CACNA1E: variants seen among roughly 807,000 people sequenced by gnomAD.
CACNA1E encodes calcium voltage-gated channel subunit alpha1 E.
A neutral mutation model predicts 259.2 loss-of-function variants in CACNA1E; 40 were observed. That is an observed-to-expected ratio of 0.15 (90% CI 0.12 to 0.20). The LOEUF (loss-of-function observed/expected upper bound fraction) is 0.20, where lower values mean the gene tolerates loss of function less well. CACNA1E is among the 10% of genes least tolerant of loss of function. CACNA1E has a pLI of 1.00. For synonymous variants in CACNA1E, 1,104 were observed against 1,138.5 expected (o/e 0.97, Z 0.61); for missense variants, 1,874 against 3,040.1 (o/e 0.62, Z 9.02).
chr1:181,714,462 C>G (rs888062814), intron 8 of CACNA1E, among the ~76,000 whole-genome samples: 15 of 152,218 alleles, frequency 9.9e-5, no homozygotes, highest in Middle Eastern at 3.4e-3. Flanking sequence ...GCATGCCCAT[C>G]ATTACATAGG....
chr1:181,477,067 T>TATA (rs1394437857), intron 2 of CACNA1E, among the ~76,000 whole-genome samples: 1 of 152,196 alleles, frequency 6.6e-6, no homozygotes, highest in Non-Finnish European at 1.5e-5. Context: ...GTGGTAATGC[T>TATA]ATAATCTTCG....
chr1:181,338,860 G>T (rs1356504850), intron 1 of CACNA1E, among the ~76,000 whole-genome samples: 1 of 151,194 alleles, frequency 6.6e-6, no homozygotes, highest in Non-Finnish European at 1.5e-5. Context: ...TAAGGGTCCA[G>T]TTTCATTTTT....
At chr1:181,339,675 ACTAT>A (rs760884115) in intron 1 of CACNA1E, among the ~76,000 whole-genome samples, 74 of 152,164 alleles carry the variant, frequency 4.9e-4, no homozygotes, top group Admixed American at 1.1e-3. Flanking sequence ...TTTGTTCTTG[ACTAT>A]CTGAGAGATA....
chr1:181,352,662 G>T (rs1653124151), intron 1 of CACNA1E, among the ~76,000 whole-genome samples: 2 of 152,220 alleles, frequency 1.3e-5, no homozygotes, highest in African/African-American at 2.4e-5. Context: ...TGAGAGGAAA[G>T]AAATAGATCA....
rs535117247 is a variant in CACNA1E at position 181,610,833 on chromosome 1, G to A, written c.951+30057G>A. Among the ~76,000 whole-genome samples, 4 of 152,318 alleles carry A rather than the reference G, an allele frequency of 2.6e-5. No individual in the cohort carries two copies. The South Asian group carries it at 8.3e-4, about 32-fold the overall frequency. On this transcript the variant is annotated intron_variant, in intron 6 of 47. Coordinates refer to ENST00000367573, the MANE Select transcript of CACNA1E (RefSeq NM_001205293.3). ...TCTAATATAAATAAAAACAATGGAAGTAGCTATTTTTATTGGACTTTTACT... is the reference window on the plus strand; with the variant it reads ...TCTAATATAAATAAAAACAATGGAAATAGCTATTTTTATTGGACTTTTACT...
intron 1 of CACNA1E, among the ~76,000 whole-genome samples, chr1:181,392,591 G>T (rs1022160541): frequency 1.3e-5 from 2 of 152,204 alleles, no homozygotes; most frequent in African/African-American, 4.8e-5. Flanking sequence ...ACCAACATCT[G>T]TGGAAGGGAA....
intron 2 of CACNA1E, among the ~76,000 whole-genome samples, chr1:181,445,230 G>C (rs932931895): frequency 7.9e-5 from 12 of 152,130 alleles, no homozygotes; most frequent in African/African-American, 2.9e-4. Flanking sequence ...TTAGTATTTA[G>C]GAAATTCTGT....
At chr1:181,509,533 G>A (rs746556129) in intron 1 of CACNA1E, among the ~76,000 whole-genome samples, 6 of 152,112 alleles carry the variant, frequency 3.9e-5, no homozygotes, top group African/African-American at 1.2e-4. Flanking sequence ...TGTGTTTGTC[G>A]TAACAGTAAT....
chr1:181,730,947 C>A (rs928978859), intron 18 of CACNA1E, among the ~76,000 whole-genome samples: 1 of 152,196 alleles, frequency 6.6e-6, no homozygotes, highest in African/African-American at 2.4e-5. Flanking sequence ...TGTGCCTCTG[C>A]ATGTGTGCTT....
chr1:181,358,196 C>T (rs1273599543), intron 1 of CACNA1E, among the ~76,000 whole-genome samples: 1 of 152,138 alleles, frequency 6.6e-6, no homozygotes, highest in African/African-American at 2.4e-5. Flanking sequence ...ACTACAATGG[C>T]CTAAGCAGTC....
chr1:181,690,445 T>A (rs1205138782), intron 7 of CACNA1E, among the ~76,000 whole-genome samples: 1 of 152,190 alleles, frequency 6.6e-6, no homozygotes, highest in African/African-American at 2.4e-5. Flanking sequence ...TTTAGAATTG[T>A]CTTGGCTATA....
intron 2 of CACNA1E, among the ~76,000 whole-genome samples, chr1:181,450,806 G>A (rs1276078148): frequency 6.6e-6 from 1 of 152,184 alleles, no homozygotes; most frequent in African/African-American, 2.4e-5. Flanking sequence ...GCTTGGAGGA[G>A]GCAGGACCAG....
rs191790168 is a variant in CACNA1E at position 181,418,542 on chromosome 1, A to T, written c.434+4962A>T. Among the ~76,000 whole-genome samples the T allele has an allele frequency of 4.2e-3, 638 of 152,274 alleles. 5 individuals carry two copies. The highest frequency in any genetic ancestry group is 0.013 in the African/African-American group (561 of 41,560). On this transcript the variant is annotated intron_variant, in intron 2 of 11. Coordinates refer to the CACNA1E transcript ENST00000524607. Reference sequence around the variant, plus strand: ...TACTCAGGACCTCTTCCCTGAATTTAAGATACCACCCACTTATTCACCATC... The same window carrying T: ...TACTCAGGACCTCTTCCCTGAATTTTAGATACCACCCACTTATTCACCATC...
At chr1:181,360,164 A>G (rs1208784922) in intron 1 of CACNA1E, among the ~76,000 whole-genome samples, 1 of 152,240 alleles carries the variant, frequency 6.6e-6, no homozygotes, top group Non-Finnish European at 1.5e-5. Flanking sequence ...AGAGTTAAAC[A>G]TAGGGTTCAC....
intron 6 of CACNA1E, among the ~76,000 whole-genome samples, chr1:181,606,751 T>C (rs548294585): frequency 6.6e-6 from 1 of 152,214 alleles, no homozygotes. Context: ...CCATGCTGGC[T>C]TGTGTCAGAA....
chr1:181,414,447 G>A (rs1571809628), intron 2 of CACNA1E, among the ~76,000 whole-genome samples: 1 of 152,234 alleles, frequency 6.6e-6, no homozygotes, highest in Admixed American at 6.5e-5. Context: ...GGGTAAATGA[G>A]CTGATCTCTG....
Position 181,732,877 on chromosome 1 carries a change from A to G in CACNA1E, c.2791A>G (p.Lys931Glu), listed in dbSNP as rs1453601417. ...GCATCGCCGCGTCAGGACAGAAGGC[A>G]AGGAGTCCTCTTCAGCCTCCCGGAG... ...SRHRRVRTEG[K>E]ESSSASRSRS... is the part of the protein sequence containing the mutation. Residue 931 changes from lysine (K) to glutamate (E), a missense_variant, in exon 20 of 48, where the codon AAG becomes GAG. Lys to Glu is a moderately conservative substitution (Grantham distance 56). Around this residue, in one of 14 missense-constraint regions of CACNA1E, gnomAD observed 476 missense variants for 514.0 expected, o/e 0.93. Transcript: ENST00000367573. The surrounding 1 kb of genome is among the most constrained non-coding windows in gnomAD (Gnocchi z 5.5). 4 of 1,613,922 alleles carry G rather than the reference A, an allele frequency of 2.5e-6. No individual in the cohort carries two copies. The highest frequency in any genetic ancestry group is 3.4e-6 in the Non-Finnish European group (4 of 1,179,910).
upstream of CACNA1E, among the ~76,000 whole-genome samples, chr1:181,481,613 T>C (rs1170924870): frequency 1.3e-5 from 2 of 152,078 alleles, no homozygotes; most frequent in East Asian, 3.9e-4. Context: ...ATTGTTCGGG[T>C]TGGAAGGATT....
rs534587050 is a variant in CACNA1E at position 181,674,328 on chromosome 1, G to A, written c.1055+22887G>A. 4.2e-5 allele frequency among the ~76,000 whole-genome samples: 6 copies of A among 142,716 alleles called. No homozygotes were observed. The East Asian group carries it at 1.2e-3, about 30-fold the overall frequency. 93.6% of individuals were successfully genotyped at this position (142,716 alleles called of 152,430 possible). ...GAATGGCGTGAACCTGGGAGGCGGA[G>A]CTTGCAGTGAGCCGAGATCGCGCCA... On this transcript the variant is annotated intron_variant, in intron 7 of 47. Coordinates refer to ENST00000367573, the MANE Select transcript of CACNA1E (RefSeq NM_001205293.3).
Sources: gnomAD v4.1 joint callset for allele counts (sites outside exome capture counted in the v4.1 genomes callset) on GRCh38, gnomAD v4.1.1 for gene constraint, gnomAD v4.1.1 regional missense constraint, Gnocchi (gnomAD v3.1) non-coding constraint, MANE v1.5 for transcripts, NCBI Gene and HGNC (gene_info 2026-07-23, HGNC 2026-07-21) for gene names.